The following ADARB2 variants were observed in gnomAD, a reference collection of about 807,000 sequenced individuals.
ADARB2 encodes inactive double-stranded RNA-specific editase B2.
A neutral mutation model predicts 62.2 loss-of-function variants in ADARB2; 25 were observed. That is an observed-to-expected ratio of 0.40 (90% CI 0.29 to 0.56). The LOEUF (loss-of-function observed/expected upper bound fraction) is 0.56. ADARB2 is among the 20% of genes least tolerant of loss of function. The pLI, the probability that ADARB2 is intolerant of heterozygous loss-of-function variation, is 0.43. For missense variants in ADARB2, 1,071 were observed against 1,077.4 expected, an observed-to-expected ratio of 0.99 and a Z score of 0.08; for synonymous variants, 572 against 500.8, an observed-to-expected ratio of 1.14 and a Z score of -1.90.
At chr10:1,475,199 C>T (rs1394159492) in intron 1 of ADARB2, among the ~76,000 whole-genome samples, 1 of 152,220 alleles carries the variant, frequency 6.6e-6, no homozygotes, top group African/African-American at 2.4e-5. Context: ...CCTCTTCCTC[C>T]CAGACTGAAG....
intron 1 of ADARB2, among the ~76,000 whole-genome samples, chr10:1,540,491 A>T (rs12242125): frequency 0.083 from 8,313 of 99,824 alleles, 1,422 homozygotes; most frequent in Non-Finnish European, 0.11. Context: ...GACGTAGTTC[A>T]GACCCTGGAT....
intron 1 of ADARB2, among the ~76,000 whole-genome samples, chr10:1,558,350 T>TCTAAACTCGAATCCCACC (rs1832735969): frequency 3.5e-5 from 2 of 57,020 alleles, no homozygotes; most frequent in African/African-American, 1.5e-4. Flanking sequence ...CTCTGTCCCA[T>TCTAAACTCGAATCCCACC]TCTGTGGGTG....
chr10:1,655,885 GT>G (rs1218563017), intron 1 of ADARB2, among the ~76,000 whole-genome samples: 4 of 152,126 alleles, frequency 2.6e-5, no homozygotes, highest in African/African-American at 2.4e-5. Flanking sequence ...CTATTTTCAT[GT>G]TTACATTACA....
chr10:1,661,559 T>C (rs1194245804), intron 1 of ADARB2, among the ~76,000 whole-genome samples: 2 of 152,146 alleles, frequency 1.3e-5, no homozygotes, highest in Non-Finnish European at 1.5e-5. Flanking sequence ...GGCAAGCACC[T>C]AGAGTGCAGA....
rs1335863046 is a variant in ADARB2, at chr10:1,642,759, ACACT to A, written c.100+94288_100+94291del. 3.3e-5 allele frequency among the ~76,000 whole-genome samples: 5 copies of A among 151,860 alleles called. No homozygotes were observed. In the South Asian group the frequency reaches 6.2e-4, roughly 19 times the overall value. On this transcript the variant is annotated intron_variant, in intron 1 of 9. Transcript: ENST00000381312. ...CTCACATCCACACTCACATGCACAC[ACACT>A]CACACTCCCTCACTCACACACCCAC...
intron 1 of ADARB2, among the ~76,000 whole-genome samples, chr10:1,602,835 GTACATACACACACCTC>G (rs912898544): frequency 1.3e-5 from 2 of 150,738 alleles, no homozygotes; most frequent in African/African-American, 4.9e-5. Flanking sequence ...ATGCACATCT[GTACATACACACACCTC>G]TACATACACA....
At chr10:1,223,700 GCT>G (rs931611118) in intron 6 of ADARB2, among the ~76,000 whole-genome samples, 2 of 152,066 alleles carry the variant, frequency 1.3e-5, no homozygotes, top group African/African-American at 4.8e-5. Flanking sequence ...TTTGTCTTTG[GCT>G]CTGTTTATAT....
At chr10:1,661,258 T>A (rs1834243901) in intron 1 of ADARB2, among the ~76,000 whole-genome samples, 1 of 152,194 alleles carries the variant, frequency 6.6e-6, no homozygotes, top group Admixed American at 6.5e-5. Context: ...CCTGTCCCCG[T>A]CGTCACTTTC....
At chr10:1,633,549 C>CATATATCTATCTATCTATCT in intron 1 of ADARB2, among the ~76,000 whole-genome samples, 2 of 101,706 alleles carry the variant, frequency 2.0e-5, no homozygotes, top group East Asian at 3.0e-4. Flanking sequence ...GTCTATCTAT[C>CATATATCTATCTATCTATCT]ATCTATCTAT....
At chr10:1,377,302 G>A (rs1832441848) in intron 2 of ADARB2, among the ~76,000 whole-genome samples, 1 of 142,666 alleles carries the variant, frequency 7.0e-6, no homozygotes, top group Non-Finnish European at 1.5e-5. Context: ...TGTGCTCCTG[G>A]GGTGTGTGTG....
intron 2 of ADARB2, among the ~76,000 whole-genome samples, chr10:1,364,423 A>G (rs189623111): frequency 6.6e-6 from 1 of 152,322 alleles, no homozygotes; most frequent in East Asian, 1.9e-4. Flanking sequence ...AACTCCCTGG[A>G]GGAAACCCTA....
intron 1 of ADARB2, among the ~76,000 whole-genome samples, chr10:1,670,898 G>A (rs998070654): frequency 2.0e-5 from 3 of 152,284 alleles, no homozygotes; most frequent in Middle Eastern, 3.4e-3. Flanking sequence ...GAACTCAGAC[G>A]TCTGGAAGGG....
At chr10:1,313,947 C>T (rs1488850380) in intron 3 of ADARB2, among the ~76,000 whole-genome samples, 1 of 152,176 alleles carries the variant, frequency 6.6e-6, no homozygotes, top group African/African-American at 2.4e-5. Flanking sequence ...TTCTGAAACT[C>T]GCTATGTCTG....
chr10:1,572,458 G>A (rs2676782), intron 1 of ADARB2, among the ~76,000 whole-genome samples: 40,672 of 151,976 alleles, frequency 0.27, 5,641 homozygotes, highest in African/African-American at 0.33. Context: ...CTGACGGTGG[G>A]TGCCCTTTCT....
intron 1 of ADARB2, among the ~76,000 whole-genome samples, chr10:1,695,695 TG>T: frequency 6.6e-6 from 1 of 152,268 alleles, no homozygotes; most frequent in East Asian, 1.9e-4. Flanking sequence ...CATGAATGTG[TG>T]TGCATGTATG....
At chr10:1,555,938 A>C (rs941054246) in intron 1 of ADARB2, among the ~76,000 whole-genome samples, 3 of 152,222 alleles carry the variant, frequency 2.0e-5, no homozygotes, top group African/African-American at 7.2e-5. Context: ...CTGTCTCAAA[A>C]AACAAAACAA....
chr10:1,367,150 C>G (rs755431781), intron 2 of ADARB2, among the ~76,000 whole-genome samples: 6 of 152,176 alleles, frequency 3.9e-5, no homozygotes, highest in African/African-American at 7.2e-5. Context: ...TGCGAGGTAT[C>G]CTGACATTGG....
intron 1 of ADARB2, among the ~76,000 whole-genome samples, chr10:1,600,353 G>A (rs1406320446): frequency 6.6e-6 from 1 of 152,004 alleles, no homozygotes; most frequent in African/African-American, 2.4e-5. Flanking sequence ...ACCTGATAGA[G>A]GATGGATATT....
intron 1 of ADARB2, among the ~76,000 whole-genome samples, chr10:1,618,609 A>C (rs1466729646): frequency 1.3e-5 from 2 of 152,120 alleles, no homozygotes; most frequent in Non-Finnish European, 2.9e-5. Flanking sequence ...CAGTGGCCCA[A>C]TATTGGCTGA....
Sources: gnomAD v4.1 joint callset for allele counts (sites outside exome capture counted in the v4.1 genomes callset) on GRCh38, gnomAD v4.1.1 for gene constraint, MANE v1.5 for transcripts, NCBI Gene and HGNC (gene_info 2026-07-23, HGNC 2026-07-21) for gene names.